The following CHM variants were observed in gnomAD, a reference collection of about 807,000 sequenced individuals.
The protein encoded by CHM is rab proteins geranylgeranyltransferase component A 1.
A neutral mutation model predicts 49.0 loss-of-function variants in CHM; 10 were observed. The observed-to-expected ratio is 0.20, with a 90% confidence interval of 0.13 to 0.35. The LOEUF is 0.35. Ranked by LOEUF, CHM falls within the 10% of genes least tolerant of loss-of-function variation. The pLI is 1.00. For synonymous variants in CHM, 184 were observed against 167.5 expected (o/e 1.10, Z -0.76); for missense variants, 455 against 478.4 (o/e 0.95, Z 0.46).
chrX:85,870,312 G>A (rs1007416493), intron 14 of CHM, among the ~76,000 whole-genome samples: 1 of 111,676 alleles, frequency 9.0e-6, no homozygotes, highest in Non-Finnish European at 1.9e-5. Flanking sequence ...AAAATTGCTC[G>A]CTCTCTCTCA....
At chrX:85,881,814 A>C (rs1249691007) in intron 12 of CHM, among the ~76,000 whole-genome samples, 1 of 111,829 alleles carries the variant, frequency 8.9e-6, no homozygotes, top group Non-Finnish European at 1.9e-5. Flanking sequence ...AATTTTACTT[A>C]TTCTGTTTAA....
intron 9 of CHM, among the ~76,000 whole-genome samples, chrX:85,902,085 T>C (rs975242039): frequency 8.9e-6 from 1 of 111,969 alleles, no homozygotes; most frequent in African/African-American, 3.2e-5. Flanking sequence ...CAAATGACTG[T>C]GTGTTTGCTA....
chrX:85,908,634 T>C (rs1926746239), intron 9 of CHM, among the ~76,000 whole-genome samples: 1 of 111,320 alleles, frequency 9.0e-6, no homozygotes, highest in African/African-American at 3.3e-5. Context: ...CAGAAATAAA[T>C]AATTATAGCT....
chrX:85,886,533 G>A (rs991117414), intron 12 of CHM, among the ~76,000 whole-genome samples: 1 of 111,254 alleles, frequency 9.0e-6, no homozygotes. Flanking sequence ...GAACAGGTTT[G>A]GATACATAAA....
chrX:85,905,748 T>A (rs948354091), intron 9 of CHM, among the ~76,000 whole-genome samples: 1 of 111,164 alleles, frequency 9.0e-6, no homozygotes, highest in Non-Finnish European at 1.9e-5. Context: ...CAGAGACCCA[T>A]GAACAGATCA....
chrX:86,031,639 G>A (rs906587593), intron 1 of CHM, among the ~76,000 whole-genome samples: 1 of 112,198 alleles, frequency 8.9e-6, no homozygotes, highest in Non-Finnish European at 1.9e-5. Context: ...TCGGGAGTTC[G>A]AGACCAGCCT....
At chrX:85,965,035 C>G (rs1406181920) in intron 4 of CHM, among the ~76,000 whole-genome samples, 1 of 112,174 alleles carries the variant, frequency 8.9e-6, no homozygotes, top group Non-Finnish European at 1.9e-5. Context: ...AAAAATCTTC[C>G]TTTTCCTGTC....
intron 2 of CHM, among the ~76,000 whole-genome samples, chrX:86,016,428 G>A (rs984576120): frequency 8.0e-5 from 9 of 111,912 alleles, no homozygotes; most frequent in East Asian, 2.9e-4. Context: ...GGGCCAAGCC[G>A]GGGATCCCCC....
At chrX:85,988,823 A>G (rs992787836) in intron 2 of CHM, among the ~76,000 whole-genome samples, 4 of 111,974 alleles carry the variant, frequency 3.6e-5, no homozygotes, top group Non-Finnish European at 7.5e-5. Flanking sequence ...AATAAGAATT[A>G]GAAACCACTG....
chrX:85,931,674 C>T (rs1439823343), intron 8 of CHM, among the ~76,000 whole-genome samples: 2 of 110,942 alleles, frequency 1.8e-5, no homozygotes, highest in Non-Finnish European at 3.8e-5. Context: ...GTACCCCAAT[C>T]CCATAGGAGA....
intron 13 of CHM, among the ~76,000 whole-genome samples, chrX:85,876,797 A>C (rs1190514876): frequency 1.8e-5 from 2 of 111,596 alleles, no homozygotes; most frequent in African/African-American, 3.3e-5. Flanking sequence ...AAATGGGATC[A>C]CTTTAACTAT....
rs1414124403 is a variant in CHM, at chrX:86,011,281, G to T, written c.116+16210C>A. Among the ~76,000 whole-genome samples, 3 of 111,170 alleles carry T rather than the reference G, an allele frequency of 2.7e-5. No homozygotes were observed. In the East Asian group the frequency reaches 8.5e-4, roughly 31 times the overall value. ...CACAAAGAGAAAAATTGATACTACC[G>T]GGATTATCAAATAAGCCATCACTAG... On this transcript the variant is annotated intron_variant, in intron 2 of 14. Transcript: ENST00000357749.
chrX:86,017,661 T>A (rs1933360183), intron 2 of CHM, among the ~76,000 whole-genome samples: 1 of 111,608 alleles, frequency 9.0e-6, no homozygotes, highest in African/African-American at 3.3e-5. Flanking sequence ...TATGTCTTTA[T>A]CAGCAGTGTG....
At chrX:85,942,776 A>G (rs1184497227) in intron 8 of CHM, among the ~76,000 whole-genome samples, 1 of 108,586 alleles carries the variant, frequency 9.2e-6, no homozygotes, top group Non-Finnish European at 1.9e-5. Context: ...TTATATATAT[A>G]TACTTTAAGT....
In CHM at chrX:85,965,593, G is replaced by T. The variant is rs10217834; in HGVS notation, c.315-1541C>A. On this transcript the variant is annotated intron_variant, in intron 4 of 14. Coordinates refer to ENST00000357749, the MANE Select transcript of CHM (RefSeq NM_000390.4). ...GTTTCAAATGCGAAACAAACTTGTT[G>T]CAAAAAACACAAAAAATAAGGCCAA... Among the ~76,000 whole-genome samples, 18,844 of 109,326 alleles carry T rather than the reference G, an allele frequency of 0.17. 1,554 individuals carry two copies. The highest frequency in any genetic ancestry group is 0.25 in the Non-Finnish European group (13,266 of 52,537). The allele number at this position is 109,326 out of a possible 115,157, so 94.9% of individuals were successfully genotyped here. A position where few individuals can be genotyped will look rare whatever the true frequency, so the allele number is the denominator to read the frequency against.
chrX:85,926,634 T>C (rs1441459489), intron 8 of CHM, among the ~76,000 whole-genome samples: 1 of 110,875 alleles, frequency 9.0e-6, no homozygotes, highest in East Asian at 2.8e-4. Context: ...AGAAAAAATA[T>C]ATATATTTCA....
chrX:85,960,113 T>G, intron 5 of CHM, among the ~76,000 whole-genome samples: 1 of 111,551 alleles, frequency 9.0e-6, no homozygotes, highest in East Asian at 2.8e-4. Context: ...TTAAAGAATA[T>G]ATTGCCAATT....
chrX:86,023,211 T>C (rs1263425797), intron 2 of CHM, among the ~76,000 whole-genome samples: 2 of 111,476 alleles, frequency 1.8e-5, no homozygotes, highest in Non-Finnish European at 3.8e-5. Flanking sequence ...TTAATATCTA[T>C]AAGATAAAGT....
At chrX:85,993,548 T>C (rs775888053) in intron 2 of CHM, among the ~76,000 whole-genome samples, 1 of 112,211 alleles carries the variant, frequency 8.9e-6, no homozygotes, top group Admixed American at 9.5e-5. Flanking sequence ...TGATCAGGTG[T>C]TGGCAAACAG....
Sources: gnomAD v4.1 joint callset for allele counts (sites outside exome capture counted in the v4.1 genomes callset) on GRCh38, gnomAD v4.1.1 for gene constraint, MANE v1.5 for transcripts, NCBI Gene and HGNC (gene_info 2026-07-23, HGNC 2026-07-21) for gene names.